The following FHAD1 variants were observed in gnomAD, a reference collection of about 807,000 sequenced individuals.
The protein encoded by FHAD1 is forkhead associated phosphopeptide binding domain 1.
FHAD1 carries 146 observed loss-of-function variants against 191.3 expected under a neutral mutation model. The ratio of observed to expected loss-of-function variants is 0.76; its 90% CI spans 0.67 to 0.88. The LOEUF is 0.88. Ranked by LOEUF, FHAD1 falls within the 40% of genes least tolerant of loss-of-function variation. The pLI, the probability that FHAD1 is intolerant of heterozygous loss-of-function variation, is 0.00. For synonymous variants in FHAD1, 616 were observed against 672.3 expected, an observed-to-expected ratio of 0.92 and a Z score of 1.29; for missense variants, 1,635 against 1,785.8, an observed-to-expected ratio of 0.92 and a Z score of 1.52.
At chr1:15,337,191 G>A (rs35368856) in intron 14 of FHAD1, among the ~76,000 whole-genome samples, 3,265 of 152,222 alleles carry the variant, frequency 0.021, 67 homozygotes, top group African/African-American at 0.052. Context: ...GGGCTGGGCC[G>A]GCATTACCGA....
chr1:15,322,981 G>A (rs1032708396), intron 10 of FHAD1, among the ~76,000 whole-genome samples: 4 of 152,122 alleles, frequency 2.6e-5, no homozygotes, highest in Non-Finnish European at 5.9e-5. Flanking sequence ...CGGTGGCAAG[G>A]GAAAAATAAG....
chr1:15,328,310 A>G lies in FHAD1; in HGVS notation c.1591A>G (p.Asn531Asp), dbSNP rs1679722851. ...GAAAATTACCCAGGTCACTGAGGAC[A>G]ACATCAATTTTCAGCAGAAAAAGTG... is the stretch of plus-strand genomic sequence containing the variant. ...IEKITQVTED[N>D]INFQQKKWTL... Residue 531 changes from asparagine (N) to aspartate (D), a missense_variant, in exon 13 of 34, where the codon AAC becomes GAC. Coordinates refer to ENST00000688493, the MANE Select transcript of FHAD1 (RefSeq NM_001391957.1). 1 of 1,537,778 alleles carries G rather than the reference A, an allele frequency of 6.5e-7. No homozygotes were observed. The highest frequency in any genetic ancestry group is 8.7e-7 in the Non-Finnish European group (1 of 1,142,892).
At chr1:15,309,672 T>A (rs1671643845) in intron 7 of FHAD1, among the ~76,000 whole-genome samples, 1 of 151,070 alleles carries the variant, frequency 6.6e-6, no homozygotes, top group African/African-American at 2.4e-5. Flanking sequence ...TTTTTTTTTT[T>A]AGCGATTTTT....
chr1:15,312,952 C>A lies in FHAD1; in HGVS notation c.1040-105C>A. 7.1e-7 allele frequency: 1 copy of A among 1,401,192 alleles called. No individual in the cohort carries two copies. The highest frequency in any genetic ancestry group is 9.7e-7 in the Non-Finnish European group (1 of 1,032,878). The allele number at this position is 1,401,192 out of a possible 1,614,324, so 86.8% of individuals were successfully genotyped here. On this transcript the variant is annotated intron_variant, in intron 7 of 33. Transcript: ENST00000688493. The surrounding 1 kb of genome is among the most constrained non-coding windows in gnomAD (Gnocchi z 4.7). ...TTCAAGCTCCTGGGATCCTTGGAGA[C>A]ACCTCCCTTCTCAGTGCCAGGCTCG...
rs1399766028 is a variant in FHAD1, at chr1:15,345,173, C to T, written c.2221C>T (p.Leu741=). ...GAGAATGCAAGAACTGGAGAGCCTC[C>T]TGGCCCAGCAGAAGAAGGTATGTGG... ...RKRMQELESL[L]AQQKKALAKS... The change falls in exon 17 of 34, where the codon CTG becomes TTG. Residue 741 remains leucine, a synonymous_variant. Coordinates refer to ENST00000688493, the MANE Select transcript of FHAD1 (RefSeq NM_001391957.1). 3 of 1,551,500 alleles carry T rather than the reference C, an allele frequency of 1.9e-6. No homozygotes were observed. In the Admixed American group the frequency reaches 5.9e-5, roughly 30 times the overall value.
At chr1:15,238,245 T>A (rs1472613757) in intron 1 of FHAD1, among the ~76,000 whole-genome samples, 1 of 37,406 alleles carries the variant, frequency 2.7e-5, no homozygotes. Context: ...AGACTCCATC[T>A]CAAGGAAAAA....
At chr1:15,353,874 TA>T (rs1481573303) in intron 20 of FHAD1, among the ~76,000 whole-genome samples, 3 of 152,262 alleles carry the variant, frequency 2.0e-5, no homozygotes, top group African/African-American at 7.2e-5. Flanking sequence ...CTGAGAATTG[TA>T]AACGCAGTAG....
Position 15,317,900 on chromosome 1 carries a change from T to C in FHAD1, c.1337T>C (p.Ile446Thr). The C allele has an allele frequency of 6.4e-7, 1 of 1,551,610 alleles. No homozygotes were observed. Among genetic ancestry groups the C allele is most frequent in the Admixed American group, 2.0e-5 (1 of 51,002 alleles). ...LRKSCTEQSV[I>T]SRTLREKSKV... is the part of the protein sequence containing the mutation. ...AAGAGTTGTACTGAACAAAGCGTGATCTCTAGGACTCTGAGAGAAAAAAGC... is the reference window on the plus strand; with the variant it reads ...AAGAGTTGTACTGAACAAAGCGTGACCTCTAGGACTCTGAGAGAAAAAAGC... The change falls in exon 10 of 34, where the codon ATC (isoleucine) becomes ACC (threonine). Residue 446 changes from isoleucine (I) to threonine (T), a missense_variant. By Grantham distance (89) the Ile-to-Thr change is moderately conservative (BLOSUM62 -1). Transcript: ENST00000688493.
At position 15,329,140 on chromosome 1, in the gene FHAD1, A is replaced by G. The variant is rs1225732419; in HGVS notation, c.1711-206A>G. On this transcript the variant is annotated intron_variant, in intron 13 of 33. Coordinates refer to ENST00000688493, the MANE Select transcript of FHAD1 (RefSeq NM_001391957.1). The surrounding 1 kb of genome is among the most constrained non-coding windows in gnomAD (Gnocchi z 5.0). ...ACCTAAAAGGGGGTTCGCTTTGACCATCAAAAGTCCAAATTAGAGTATTAA... is the reference window on the plus strand; with the variant it reads ...ACCTAAAAGGGGGTTCGCTTTGACCGTCAAAAGTCCAAATTAGAGTATTAA... 2.2e-6 allele frequency: 1 copy of G among 444,744 alleles called. No individual in the cohort carries two copies. Among genetic ancestry groups the G allele is most frequent in the African/African-American group, 1.9e-5 (1 of 51,452 alleles). 27.5% of individuals were successfully genotyped at this position (444,744 alleles called of 1,614,324 possible).
chr1:15,337,274 A>C (rs1051966531), intron 14 of FHAD1, among the ~76,000 whole-genome samples: 1 of 152,170 alleles, frequency 6.6e-6, no homozygotes, highest in African/African-American at 2.4e-5. Context: ...GCATGTCTGA[A>C]ACAGCCTGGG....
In FHAD1 at chr1:15,381,374, G is replaced by T; in HGVS notation, c.3945G>T (p.Lys1315Asn). The change falls in exon 30 of 34, where the codon AAG becomes AAT. Residue 1315 changes from lysine to asparagine, a missense_variant. Lys to Asn is a moderately conservative substitution (Grantham distance 94). Transcript: ENST00000688493. The surrounding 1 kb of genome is among the most constrained non-coding windows in gnomAD (Gnocchi z 4.6). ...RQRDLDLVFDKITQLKNQLGR... is the reference protein window; with the variant it reads ...RQRDLDLVFDNITQLKNQLGR... Reference sequence around the variant, plus strand: ...GGGACCTCGACCTGGTGTTTGATAAGATCACCCAACTCAAGAACCAGCTGG... The same window carrying T: ...GGGACCTCGACCTGGTGTTTGATAATATCACCCAACTCAAGAACCAGCTGG... The T allele has an allele frequency of 6.4e-7, 1 of 1,551,798 alleles. No individual in the cohort carries two copies. Among genetic ancestry groups the T allele is most frequent in the Non-Finnish European group, 8.7e-7 (1 of 1,147,004 alleles).
chr1:15,373,805 C>T (rs766992592), intron 26 of FHAD1, among the ~76,000 whole-genome samples: 2 of 152,222 alleles, frequency 1.3e-5, no homozygotes, highest in African/African-American at 4.8e-5. Flanking sequence ...GTGATCATGC[C>T]ATTGCATTCC....
At chr1:15,389,369 C>T (rs979323600) in intron 32 of FHAD1, among the ~76,000 whole-genome samples, 2 of 147,560 alleles carry the variant, frequency 1.4e-5, no homozygotes, top group Non-Finnish European at 3.0e-5. Context: ...TCTCTTGAGC[C>T]CAGGACTTCA....
chr1:15,345,202 A>C lies in FHAD1; in HGVS notation c.2238+12A>C. 16 of 1,543,340 alleles carry C rather than the reference A, an allele frequency of 1.0e-5. No homozygotes were observed. The highest frequency in any genetic ancestry group is 1.4e-5 in the African/African-American group (1 of 72,964). On this transcript the variant is annotated intron_variant, in intron 17 of 33. Transcript: ENST00000688493. ...CCCAGCAGAAGAAGGTATGTGGCTC[A>C]GGGAGACAGAGTCAGCTCGAGCCCC...
At chr1:15,250,906 C>A (rs887225353) in intron 1 of FHAD1, among the ~76,000 whole-genome samples, 3 of 152,214 alleles carry the variant, frequency 2.0e-5, no homozygotes, top group Middle Eastern at 3.4e-3. Context: ...GTTTGAGAAG[C>A]CCAGGTTAAC....
At chr1:15,306,002 CAGA>C (rs1195891674) in intron 6 of FHAD1, among the ~76,000 whole-genome samples, 1 of 152,086 alleles carries the variant, frequency 6.6e-6, no homozygotes, top group African/African-American at 2.4e-5. Flanking sequence ...TTGGAGGGCT[CAGA>C]AGAAGAGAGG....
intron 20 of FHAD1, among the ~76,000 whole-genome samples, chr1:15,357,373 C>A (rs985887207): frequency 2.0e-5 from 3 of 152,116 alleles, no homozygotes; most frequent in Admixed American, 2.0e-4. Flanking sequence ...CGCCTGTAAT[C>A]CCAGAATTTG....
At chr1:15,362,068 A>C (rs545488196) in intron 22 of FHAD1, among the ~76,000 whole-genome samples, 1 of 150,932 alleles carries the variant, frequency 6.6e-6, no homozygotes, top group South Asian at 2.1e-4. Context: ...GGTCAGAGGG[A>C]GGGTGTTTGA....
upstream of FHAD1, among the ~76,000 whole-genome samples, chr1:15,246,923 TCTC>T (rs1646110845): frequency 6.6e-6 from 1 of 152,030 alleles, no homozygotes; most frequent in Non-Finnish European, 1.5e-5. Context: ...GCTCCATCAA[TCTC>T]CTACCTCTCC....
Sources: allele counts gnomAD v4.1 joint callset (sites outside exome capture counted in the v4.1 genomes callset), GRCh38; gene constraint gnomAD v4.1.1; non-coding constraint Gnocchi (gnomAD v3.1); transcripts MANE v1.5; gene names NCBI Gene and HGNC (gene_info 2026-07-23, HGNC 2026-07-21).